The following MYCBP2 variants were observed in gnomAD, a reference collection of about 807,000 sequenced individuals.
The protein encoded by MYCBP2 is E3 ubiquitin-protein ligase MYCBP2.
A neutral mutation model predicts 525.3 loss-of-function variants in MYCBP2; 120 were observed. The ratio of observed to expected loss-of-function variants is 0.23; its 90% CI spans 0.20 to 0.27. MYCBP2 has a LOEUF of 0.27. MYCBP2 is among the 10% of genes least tolerant of loss of function. The probability of loss-of-function intolerance (pLI) is 1.00; values close to 1 mark genes in which losing one functional copy is unlikely to be tolerated. For missense variants in MYCBP2, 4,149 were observed against 5,657.1 expected, an observed-to-expected ratio of 0.73 and a Z score of 8.55; for synonymous variants, 1,894 against 1,955.8, an observed-to-expected ratio of 0.97 and a Z score of 0.83.
intron 20 of MYCBP2, among the ~76,000 whole-genome samples, chr13:77,220,200 A>C (rs1656466631): frequency 6.6e-6 from 1 of 152,142 alleles, no homozygotes; most frequent in South Asian, 2.1e-4. Flanking sequence ...ATAGGTGAAG[A>C]AATTAAGCAA....
At chr13:77,155,760 T>C (rs568926573) in intron 46 of MYCBP2, among the ~76,000 whole-genome samples, 1 of 152,294 alleles carries the variant, frequency 6.6e-6, no homozygotes, top group East Asian at 1.9e-4. Context: ...AATCAATACA[T>C]ATTGAGGGGC....
intron 21 of MYCBP2, among the ~76,000 whole-genome samples, chr13:77,216,665 AT>A (rs1270581366): frequency 6.6e-6 from 1 of 152,172 alleles, no homozygotes; most frequent in Admixed American, 6.5e-5. Flanking sequence ...AATGAAGAGG[AT>A]TCTATTTTTC....
chr13:77,103,127 G>T, intron 55 of MYCBP2: 1 of 395,716 alleles, frequency 2.5e-6, no homozygotes, highest in South Asian at 1.3e-4. Context: ...GCATGAACAT[G>T]ACTGAGACGA....
At chr13:77,119,133 T>C (rs1322296891) in intron 55 of MYCBP2, among the ~76,000 whole-genome samples, 2 of 152,214 alleles carry the variant, frequency 1.3e-5, no homozygotes, top group Admixed American at 6.5e-5. Context: ...AAAAGGATTA[T>C]GAGCTACCTA....
intron 49 of MYCBP2, among the ~76,000 whole-genome samples, chr13:77,143,016 T>C (rs551076909): frequency 1.3e-4 from 20 of 152,322 alleles, no homozygotes; most frequent in African/African-American, 4.6e-4. Context: ...TTGAGGAGCA[T>C]CAGGAAAAAT....
intron 15 of MYCBP2, among the ~76,000 whole-genome samples, chr13:77,248,613 A>AT (rs1312535353): frequency 4.6e-5 from 7 of 152,222 alleles, no homozygotes; most frequent in Non-Finnish European, 7.3e-5. Context: ...ATAACAGATC[A>AT]TAAGTGTTAA....
intron 44 of MYCBP2, among the ~76,000 whole-genome samples, chr13:77,159,566 T>C (rs1023448336): frequency 1.3e-5 from 2 of 152,220 alleles, no homozygotes; most frequent in Non-Finnish European, 2.9e-5. Context: ...GGGAGTGACC[T>C]GGCGGGAGGT....
chr13:77,257,874 T>C (rs1172290582), intron 13 of MYCBP2, 45 bp from the exon 14 acceptor site: 1 of 1,517,110 alleles, frequency 6.6e-7, no homozygotes, highest in Non-Finnish European at 8.9e-7. Context: ...AAAAGGCCCT[T>C]CTGAGCCTAG....
At position 77,317,894 on chromosome 13, in the gene MYCBP2, G is replaced by A. The variant is rs143029082; in HGVS notation, c.302+8580C>T. Among the ~76,000 whole-genome samples the A allele has an allele frequency of 5.7e-3, 866 of 152,092 alleles. 8 individuals are homozygous for A. The highest frequency in any genetic ancestry group is 0.019 in the African/African-American group (808 of 41,466). ...GGAGGTTGCAGTCAGCTGAGATCAC[G>A]CCATTGCACTCCAGCTTGGGCAACA... On this transcript the variant is annotated intron_variant, in intron 1 of 82. Transcript: ENST00000544440.
Position 77,224,322 on chromosome 13 carries a change from A to C in MYCBP2, c.2939+129T>G, listed in dbSNP as rs1044313848. Reference sequence around the variant, plus strand: ...CAATAATTCATGGGCCACACTTTGCAAAGCAGTGGTATAATATTATTTTAA... The same window carrying C: ...CAATAATTCATGGGCCACACTTTGCCAAGCAGTGGTATAATATTATTTTAA... On this transcript the variant is annotated intron_variant, in intron 20 of 82. Coordinates refer to ENST00000544440, the MANE Select transcript of MYCBP2 (RefSeq NM_015057.5). The C allele has an allele frequency of 4.6e-6, 3 of 649,838 alleles. No individual in the cohort carries two copies. In the African/African-American group the frequency reaches 5.6e-5, roughly 12 times the overall value. The allele number at this position is 649,838 out of a possible 1,614,324, so 40.3% of individuals were successfully genotyped here.
At chr13:77,258,791 G>A (rs2154336076) in intron 13 of MYCBP2, among the ~76,000 whole-genome samples, 1 of 152,210 alleles carries the variant, frequency 6.6e-6, no homozygotes, top group Non-Finnish European at 1.5e-5. Flanking sequence ...TACATGATGT[G>A]CTAAGCATTT....
chr13:77,159,127 A>G (rs1419571314), intron 44 of MYCBP2, among the ~76,000 whole-genome samples: 2 of 152,230 alleles, frequency 1.3e-5, no homozygotes, highest in Non-Finnish European at 2.9e-5. Flanking sequence ...TTTGGAATCA[A>G]ATAGACTTAA....
chr13:77,119,102 ATCTGT>A (rs2050258019), intron 55 of MYCBP2, among the ~76,000 whole-genome samples: 3 of 152,204 alleles, frequency 2.0e-5, no homozygotes, highest in Non-Finnish European at 4.4e-5. Context: ...TAATTTAAAA[ATCTGT>A]AAGTCCTATA....
At chr13:77,171,776 A>C (rs7990717) in intron 37 of MYCBP2, 142 bp from the exon 38 acceptor site, 1 of 728,072 alleles carries the variant, frequency 1.4e-6, no homozygotes, top group Non-Finnish European at 2.2e-6. Context: ...ACTATACAAT[A>C]ATAGGGAATG....
intron 80 of MYCBP2, 103 bp from the exon 81 acceptor site, chr13:77,052,021 A>T: frequency 2.3e-6 from 2 of 859,150 alleles, no homozygotes; most frequent in Non-Finnish European, 3.8e-6. Flanking sequence ...GTTTTAGAAA[A>T]TACCATTATC....
chr13:77,056,113 T>G (rs1224885340), intron 79 of MYCBP2, among the ~76,000 whole-genome samples: 21 of 136,378 alleles, frequency 1.5e-4, no homozygotes, highest in African/African-American at 5.4e-4. Flanking sequence ...TGTGTGTGTG[T>G]GTGTGTGTGT....
chr13:77,243,964 A>G lies in MYCBP2; in HGVS notation c.2382-13T>C, dbSNP rs1183535113. The G allele has an allele frequency of 8.5e-6, 12 of 1,405,052 alleles. No homozygotes were observed. Among genetic ancestry groups the G allele is most frequent in the Non-Finnish European group, 1.1e-5 (12 of 1,078,824 alleles). The allele number at this position is 1,405,052 out of a possible 1,614,324, so 87.0% of individuals were successfully genotyped here. A position where few individuals can be genotyped will look rare whatever the true frequency, so the allele number is the denominator to read the frequency against. ...ACAACCACAGATCCTAGGGGGAAAT[A>G]CAAAAAAAAAAAAAAAAGACAACTG... On this transcript the variant is annotated splice_polypyrimidine_tract_variant and intron_variant, in intron 15 of 82. Transcript: ENST00000544440.
At chr13:77,178,365 A>C (rs898597045) in intron 34 of MYCBP2, among the ~76,000 whole-genome samples, 4 of 152,204 alleles carry the variant, frequency 2.6e-5, no homozygotes, top group African/African-American at 9.6e-5. Context: ...GTGTGCAAGG[A>C]AGAGGTAAAT....
At chr13:77,269,289 T>C (rs2074534638) in intron 7 of MYCBP2, among the ~76,000 whole-genome samples, 1 of 152,202 alleles carries the variant, frequency 6.6e-6, no homozygotes. Flanking sequence ...TGAAAGAGTC[T>C]GTGGTAAGAA....
Sources: gnomAD v4.1 joint callset for allele counts (sites outside exome capture counted in the v4.1 genomes callset) on GRCh38, gnomAD v4.1.1 for gene constraint, MANE v1.5 for transcripts, NCBI Gene and HGNC (gene_info 2026-07-23, HGNC 2026-07-21) for gene names.